The following CEP128 variants were observed in gnomAD, a reference collection of about 807,000 sequenced individuals.
CEP128 encodes the protein centrosomal protein 128.
A neutral mutation model predicts 156.7 loss-of-function variants in CEP128; 132 were observed. The observed-to-expected ratio is 0.84, with a 90% CI of 0.73 to 0.97. CEP128 has a LOEUF of 0.97. Among genes scored for constraint, CEP128 ranks in the 50% least tolerant of loss-of-function variants. CEP128 has a pLI of 0.00. For synonymous variants in CEP128, 469 were observed against 448.9 expected (o/e 1.04, Z -0.57); for missense variants, 1,252 against 1,281.9 (o/e 0.98, Z 0.36).
chr14:80,930,818 G>T (rs907266508), intron 2 of CEP128, among the ~76,000 whole-genome samples: 6 of 152,346 alleles, frequency 3.9e-5, no homozygotes, highest in African/African-American at 1.4e-4. Context: ...ATCATTCTCA[G>T]TGGCTAACCA....
At chr14:80,850,117 A>G (rs780407506) in intron 9 of CEP128, among the ~76,000 whole-genome samples, 3 of 152,316 alleles carry the variant, frequency 2.0e-5, no homozygotes, top group African/African-American at 7.2e-5. Context: ...GCATGAAACT[A>G]TAATACAAAG....
chr14:80,630,917 G>A (rs1016233390), intron 19 of CEP128, among the ~76,000 whole-genome samples: 2 of 151,968 alleles, frequency 1.3e-5, no homozygotes, highest in Non-Finnish European at 2.9e-5. Flanking sequence ...TCCATAACAT[G>A]TTTTATTTGG....
intron 19 of CEP128, among the ~76,000 whole-genome samples, chr14:80,680,172 G>T (rs531499241): frequency 2.6e-5 from 4 of 152,138 alleles, no homozygotes; most frequent in African/African-American, 7.2e-5. Flanking sequence ...GCAGGCTTAG[G>T]GGTGGGATGA....
intron 15 of CEP128, among the ~76,000 whole-genome samples, chr14:80,780,912 G>A (rs1418666505): frequency 6.6e-6 from 1 of 152,070 alleles, no homozygotes. Flanking sequence ...AAAATACAAG[G>A]CAGCCTAAAT....
At chr14:80,880,092 C>T (rs1888460698) in intron 8 of CEP128, among the ~76,000 whole-genome samples, 2 of 152,256 alleles carry the variant, frequency 1.3e-5, no homozygotes, top group African/African-American at 4.8e-5. Context: ...AAAATATTTG[C>T]AAACCAAAGC....
rs187227374 is a variant in CEP128, at chr14:80,661,411, G to C, written c.2807-80988C>G. ...GATACAGGAGGTCCTGGCAACCACA[G>C]TGGAAGCAGGAAGTTGCTCTTAGGT... On this transcript the variant is annotated intron_variant, in intron 19 of 24. Transcript: ENST00000555265. 3.3e-5 allele frequency among the ~76,000 whole-genome samples: 5 copies of C among 152,274 alleles called. No homozygotes were observed. The East Asian group carries it at 7.7e-4, about 23-fold the overall frequency.
chr14:80,753,346 G>A (rs562178111), intron 18 of CEP128, among the ~76,000 whole-genome samples: 26 of 152,028 alleles, frequency 1.7e-4, no homozygotes, highest in African/African-American at 4.3e-4. Flanking sequence ...GCTTTATACC[G>A]TCAAAAAAGT....
intron 19 of CEP128, among the ~76,000 whole-genome samples, chr14:80,715,969 T>TA (rs1897588429): frequency 6.6e-6 from 1 of 152,124 alleles, no homozygotes; most frequent in Non-Finnish European, 1.5e-5. Context: ...TCATCATCAG[T>TA]AAAAAATAAT....
At chr14:80,822,277 C>T (rs1489805534) in intron 13 of CEP128, among the ~76,000 whole-genome samples, 1 of 152,184 alleles carries the variant, frequency 6.6e-6, no homozygotes, top group Non-Finnish European at 1.5e-5. Context: ...AAAGCAAAAG[C>T]AAGTTAGTTA....
chr14:80,876,796 C>T lies in CEP128; in HGVS notation c.646-13923G>A, dbSNP rs141158662. On this transcript the variant is annotated intron_variant, in intron 8 of 24. Coordinates refer to ENST00000555265, the MANE Select transcript of CEP128 (RefSeq NM_152446.5). ...ATACAGAGAAGATTTTTCACCAAAG[C>T]ACACGCTCTAAAGGAAATTCTAGAC... 1.6e-4 allele frequency among the ~76,000 whole-genome samples: 24 copies of T among 152,244 alleles called. No homozygotes were observed. In the East Asian group the frequency reaches 4.6e-3, roughly 29 times the overall value.
At chr14:80,726,442 C>T (rs1214202891) in intron 19 of CEP128, among the ~76,000 whole-genome samples, 1 of 152,162 alleles carries the variant, frequency 6.6e-6, no homozygotes, top group Non-Finnish European at 1.5e-5. Context: ...GAAAAACATG[C>T]ACCCACATAT....
chr14:80,508,922 G>C (rs1272876502), intron 23 of CEP128, among the ~76,000 whole-genome samples: 1 of 152,104 alleles, frequency 6.6e-6, no homozygotes, highest in Non-Finnish European at 1.5e-5. Context: ...GAAGAAAAAG[G>C]GTTTAATTGA....
intron 19 of CEP128, among the ~76,000 whole-genome samples, chr14:80,637,132 C>T (rs1306108309): frequency 6.6e-6 from 1 of 151,788 alleles, no homozygotes; most frequent in Non-Finnish European, 1.5e-5. Context: ...TCCATGTATT[C>T]CCAGCCTGCT....
In CEP128 at chr14:80,484,047, G is replaced by A. The variant is rs1477045267; in HGVS notation, c.*311-5640C>T. The stretch of plus-strand genomic sequence containing the variant: ...GCTAGAGTGCAGTGGCACAATCACA[G>A]CTCACTGCAGCCTTGACCTCCAGGG... On this transcript the variant is annotated intron_variant and NMD_transcript_variant, in intron 14 of 14. Coordinates refer to the CEP128 transcript ENST00000554502. 2.0e-5 allele frequency among the ~76,000 whole-genome samples: 3 copies of A among 152,016 alleles called. No individual in the cohort carries two copies. The East Asian group carries it at 5.8e-4, about 29-fold the overall frequency.
chr14:80,688,141 A>G (rs1238608911), intron 19 of CEP128, among the ~76,000 whole-genome samples: 1 of 152,154 alleles, frequency 6.6e-6, no homozygotes, highest in African/African-American at 2.4e-5. Context: ...TGCAATATCT[A>G]TCCTCTACCA....
chr14:80,704,154 G>A (rs1448668066), intron 19 of CEP128, among the ~76,000 whole-genome samples: 4 of 151,952 alleles, frequency 2.6e-5, no homozygotes, highest in Non-Finnish European at 4.4e-5. Flanking sequence ...AATTTAGAAT[G>A]AAAGCATCTC....
chr14:80,531,996 T>C (rs1000553194), intron 21 of CEP128, among the ~76,000 whole-genome samples: 2 of 152,146 alleles, frequency 1.3e-5, no homozygotes, highest in Non-Finnish European at 1.5e-5. Context: ...GCCCACCATA[T>C]TGGATTTCAC....
intron 19 of CEP128, among the ~76,000 whole-genome samples, chr14:80,707,364 C>T (rs1210203146): frequency 6.6e-6 from 1 of 152,124 alleles, no homozygotes; most frequent in Non-Finnish European, 1.5e-5. Flanking sequence ...CTGGCCCGTG[C>T]TAGAGCTGCC....
chr14:80,752,930 G>A (rs1246662367), intron 18 of CEP128, among the ~76,000 whole-genome samples: 1 of 152,174 alleles, frequency 6.6e-6, no homozygotes, highest in African/African-American at 2.4e-5. Context: ...TATAAAAAGT[G>A]TAACTCTTTG....
Sources: gnomAD v4.1 joint callset for allele counts (sites outside exome capture counted in the v4.1 genomes callset) on GRCh38, gnomAD v4.1.1 for gene constraint, MANE v1.5 for transcripts, NCBI Gene and HGNC (gene_info 2026-07-23, HGNC 2026-07-21) for gene names.